Variants in KLHL32 observed in about 807,000 individuals in gnomAD.
KLHL32 encodes the protein kelch like family member 32, also known as kelch-like protein 32.
A neutral mutation model predicts 64.8 loss-of-function variants in KLHL32; 35 were observed. The ratio of observed to expected loss-of-function variants is 0.54; its 90% confidence interval spans 0.41 to 0.72. The LOEUF (loss-of-function observed/expected upper bound fraction) is 0.72. KLHL32 is among the 30% of genes least tolerant of loss of function. KLHL32 has a pLI of 0.00. For synonymous variants in KLHL32, 259 were observed against 281.0 expected, an observed-to-expected ratio of 0.92 and a Z score of 0.78; for missense variants, 589 against 768.5, an observed-to-expected ratio of 0.77 and a Z score of 2.76.
intron 5 of KLHL32, among the ~76,000 whole-genome samples, chr6:97,073,215 A>G (rs1022460454): frequency 9.9e-5 from 15 of 152,226 alleles, no homozygotes; most frequent in Admixed American, 5.9e-4. Flanking sequence ...TTGACAACCT[A>G]TTGGACAAAT....
chr6:97,090,534 A>G (rs746146992), intron 6 of KLHL32, among the ~76,000 whole-genome samples: 4 of 152,354 alleles, frequency 2.6e-5, no homozygotes, highest in South Asian at 2.1e-4. Context: ...AAAAGCTACT[A>G]TCCCTTTACA....
chr6:96,990,581 C>T (rs1777737328), intron 3 of KLHL32, among the ~76,000 whole-genome samples: 1 of 152,146 alleles, frequency 6.6e-6, no homozygotes, highest in South Asian at 2.1e-4. Flanking sequence ...GGGGTGAGCT[C>T]AGGCTTTGTG....
At chr6:97,094,043 G>A (rs975188645) in intron 6 of KLHL32, among the ~76,000 whole-genome samples, 23 of 152,290 alleles carry the variant, frequency 1.5e-4, no homozygotes, top group African/African-American at 5.5e-4. Flanking sequence ...TTTTAGAAAT[G>A]TATGCAGCAT....
chr6:97,114,264 G>A lies in KLHL32; in HGVS notation c.1109G>A (p.Arg370His), dbSNP rs1372834771. The A allele has an allele frequency of 4.3e-6, 7 of 1,614,108 alleles. No homozygotes were observed. The highest frequency in any genetic ancestry group is 1.7e-5 in the Admixed American group (1 of 60,006). Residue 370 changes from arginine (R) to histidine (H), a missense_variant, in exon 7 of 11, where the codon CGC becomes CAC. Around this residue, in one of 3 missense-constraint regions of KLHL32, gnomAD observed 226 missense variants for 353.2 expected, o/e 0.64. Transcript: ENST00000369261. Reference sequence around the variant, plus strand: ...ACGTGTGCTGTGAGGACTGCCTGTCGCTATGACCCCCGCAGTAATTCCTGG... The same window carrying A: ...ACGTGTGCTGTGAGGACTGCCTGTCACTATGACCCCCGCAGTAATTCCTGG... The part of the protein sequence containing the change: ...GRTCAVRTAC[R>H]YDPRSNSWAE...
At chr6:96,910,929 T>C in the KLHL32 span, among the ~76,000 whole-genome samples, 2 of 152,222 alleles carry the variant, frequency 1.3e-5, no homozygotes, top group Admixed American at 1.3e-4. Context: ...AAATTATAGT[T>C]ATATTCAGTA....
Position 96,967,015 on chromosome 6 carries a change from C to G in KLHL32, c.-46C>G. On this transcript the variant is annotated 5_prime_UTR_variant, in exon 2 of 11. Transcript: ENST00000369261. Reference sequence around the variant, plus strand: ...ATTCAGCTGGAATGCTTGCTGATTCCTCTGCACACTTCTAAGGCTGAGAAC... The same window carrying G: ...ATTCAGCTGGAATGCTTGCTGATTCGTCTGCACACTTCTAAGGCTGAGAAC... 1 of 1,592,654 alleles carries G rather than the reference C, an allele frequency of 6.3e-7. No homozygotes were observed.
chr6:96,952,171 G>A (rs1049190150), intron 1 of KLHL32, among the ~76,000 whole-genome samples: 1 of 152,146 alleles, frequency 6.6e-6, no homozygotes, highest in Non-Finnish European at 1.5e-5. Context: ...GAGCTGCTAG[G>A]ATGGGCTTCA....
chr6:97,102,669 T>C (rs1445826816), intron 6 of KLHL32, among the ~76,000 whole-genome samples: 3 of 152,180 alleles, frequency 2.0e-5, no homozygotes, highest in African/African-American at 4.8e-5. Flanking sequence ...TAGGGTGTTA[T>C]TCTATAACTG....
chr6:97,081,250 T>A (rs774860821), intron 5 of KLHL32, among the ~76,000 whole-genome samples: 2 of 152,096 alleles, frequency 1.3e-5, no homozygotes, highest in Non-Finnish European at 2.9e-5. Flanking sequence ...GGCTTATGAT[T>A]GGCTAGTTTG....
chr6:97,069,012 G>C (rs1790268730), intron 5 of KLHL32, among the ~76,000 whole-genome samples: 1 of 152,136 alleles, frequency 6.6e-6, no homozygotes, highest in African/African-American at 2.4e-5. Context: ...TTTTATCATT[G>C]TAAGGGAAAC....
At chr6:96,902,846 C>T in the KLHL32 span, among the ~76,000 whole-genome samples, 35 of 152,242 alleles carry the variant, frequency 2.3e-4, no homozygotes, top group South Asian at 1.2e-3. Flanking sequence ...AATAGGGAAT[C>T]CTTTCCCCCA....
chr6:97,039,335 G>C (rs1377027445), intron 3 of KLHL32, among the ~76,000 whole-genome samples: 2 of 152,112 alleles, frequency 1.3e-5, no homozygotes, highest in Admixed American at 6.6e-5. Context: ...GCTAAAAAAA[G>C]TGAATCTCAT....
intron 1 of KLHL32, among the ~76,000 whole-genome samples, chr6:96,927,733 C>T (rs1769338862): frequency 6.6e-6 from 1 of 152,208 alleles, no homozygotes; most frequent in Non-Finnish European, 1.5e-5. Flanking sequence ...GTTTTCCTTT[C>T]ATGGAAATAT....
At chr6:96,918,468 T>A in the KLHL32 span, among the ~76,000 whole-genome samples, 2 of 152,210 alleles carry the variant, frequency 1.3e-5, no homozygotes, top group Admixed American at 1.3e-4. Context: ...TTTTTCTTAA[T>A]GGCATGCTTC....
chr6:97,050,796 A>G (rs77992706), intron 4 of KLHL32, among the ~76,000 whole-genome samples: 11,099 of 152,168 alleles, frequency 0.073, 875 homozygotes, highest in Admixed American at 0.22. Context: ...TGTGGTCAGG[A>G]GTTTGAGACC....
At chr6:96,954,570 G>A (rs1262301071) in intron 1 of KLHL32, among the ~76,000 whole-genome samples, 1 of 152,048 alleles carries the variant, frequency 6.6e-6, no homozygotes, top group Non-Finnish European at 1.5e-5. Flanking sequence ...AATTTCCCTG[G>A]ATTATATAAA....
intron 7 of KLHL32, among the ~76,000 whole-genome samples, chr6:97,118,399 G>A (rs1374963338): frequency 6.6e-6 from 1 of 151,940 alleles, no homozygotes; most frequent in African/African-American, 2.4e-5. Context: ...CGGGCGGATC[G>A]CCTGAGATTA....
chr6:96,941,560 G>A (rs916738634), intron 1 of KLHL32, among the ~76,000 whole-genome samples: 2 of 152,138 alleles, frequency 1.3e-5, no homozygotes, highest in African/African-American at 4.8e-5. Context: ...AAGCAGAAGA[G>A]GTTTGATATG....
intron 1 of KLHL32, among the ~76,000 whole-genome samples, chr6:96,932,443 A>G (rs966260956): frequency 6.6e-5 from 10 of 151,668 alleles, no homozygotes; most frequent in Non-Finnish European, 1.5e-5. Flanking sequence ...AGGCCTTTCT[A>G]TATAGCATTT....
Sources: gnomAD v4.1 joint callset for allele counts (sites outside exome capture counted in the v4.1 genomes callset) on GRCh38, gnomAD v4.1.1 for gene constraint, gnomAD v4.1.1 regional missense constraint, MANE v1.5 for transcripts, NCBI Gene and HGNC (gene_info 2026-07-23, HGNC 2026-07-21) for gene names.